TRAPPC9: variants seen among roughly 807,000 people sequenced by gnomAD.
The protein encoded by TRAPPC9 is IKK2 binding protein.
Under a neutral mutation model 124.0 loss-of-function variants are expected in TRAPPC9, and 83 were observed. That is an observed-to-expected ratio of 0.67 (90% CI 0.56 to 0.80). TRAPPC9 has a LOEUF of 0.80. Ranked by LOEUF, TRAPPC9 falls within the 30% of genes least tolerant of loss-of-function variation. TRAPPC9 has a pLI of 0.00. For missense variants in TRAPPC9, 1,302 were observed against 1,508.3 expected, an observed-to-expected ratio of 0.86 and a Z score of 2.27; for synonymous variants, 638 against 617.5, an observed-to-expected ratio of 1.03 and a Z score of -0.49.
intron 17 of TRAPPC9, among the ~76,000 whole-genome samples, chr8:140,171,403 C>T (rs950947884): frequency 2.6e-5 from 4 of 152,152 alleles, no homozygotes; most frequent in African/African-American, 7.2e-5. Context: ...TAAAATTTTA[C>T]TGTATGTATA....
intron 7 of TRAPPC9, among the ~76,000 whole-genome samples, chr8:140,384,229 G>A (rs1437964003): frequency 2.6e-5 from 4 of 152,050 alleles, no homozygotes; most frequent in African/African-American, 4.8e-5. Context: ...AAAGACCACC[G>A]AGACTAGGAA....
chr8:139,793,147 T>C (rs1055126198), intron 21 of TRAPPC9, among the ~76,000 whole-genome samples: 2 of 152,114 alleles, frequency 1.3e-5, no homozygotes, highest in African/African-American at 4.8e-5. Flanking sequence ...GGCAAGGTGC[T>C]TCATCTCTCG....
intron 9 of TRAPPC9, among the ~76,000 whole-genome samples, chr8:140,354,171 C>CT (rs1210402252): frequency 2.6e-5 from 4 of 152,190 alleles, no homozygotes; most frequent in Admixed American, 2.6e-4. Context: ...CATTCTAAAC[C>CT]TTTCACAAAG....
chr8:139,737,377 G>A (rs1818247381), intron 21 of TRAPPC9, among the ~76,000 whole-genome samples: 1 of 149,868 alleles, frequency 6.7e-6, no homozygotes, highest in African/African-American at 2.4e-5. Context: ...GGTGGGCAGG[G>A]ATGCCAGCGC....
At position 140,195,336 on chromosome 8, in the gene TRAPPC9, C is replaced by A. The variant is rs190588818; in HGVS notation, c.2556+26123G>T. Among the ~76,000 whole-genome samples the A allele has an allele frequency of 2.0e-3, 308 of 152,124 alleles. 4 individuals are homozygous for A. The highest frequency in any genetic ancestry group is 4.7e-3 in the East Asian group (24 of 5,154). The stretch of plus-strand genomic sequence containing the variant: ...CATCGTACAGATCACACCTGTAACA[C>A]TAAAACACACTCAATGATCCACTGT... On this transcript the variant is annotated intron_variant, in intron 17 of 22. Transcript: ENST00000438773.
At chr8:140,266,947 G>A (rs2064687634) in intron 15 of TRAPPC9, among the ~76,000 whole-genome samples, 1 of 152,158 alleles carries the variant, frequency 6.6e-6, no homozygotes, top group Non-Finnish European at 1.5e-5. Context: ...CCCAACGACA[G>A]TCTAGACCCC....
At chr8:140,047,730 G>A (rs543538457) in intron 17 of TRAPPC9, among the ~76,000 whole-genome samples, 4 of 152,244 alleles carry the variant, frequency 2.6e-5, no homozygotes, top group South Asian at 2.1e-4. Context: ...CCCGAGTTCC[G>A]GTGTGCTGGA....
At chr8:139,958,403 T>C (rs918950572) in intron 19 of TRAPPC9, among the ~76,000 whole-genome samples, 9 of 152,170 alleles carry the variant, frequency 5.9e-5, no homozygotes, top group African/African-American at 1.9e-4. Flanking sequence ...GATGTCTCCA[T>C]GAGACTCACA....
chr8:140,236,099 T>TTC (rs1554648421), intron 16 of TRAPPC9, among the ~76,000 whole-genome samples: 2,397 of 141,936 alleles, frequency 0.017, 46 homozygotes, highest in Non-Finnish European at 0.025. Context: ...TTTTTTTTTT[T>TTC]TGAGACAGAG....
intron 5 of TRAPPC9, among the ~76,000 whole-genome samples, chr8:140,425,487 C>A (rs1482524378): frequency 6.6e-6 from 1 of 152,196 alleles, no homozygotes; most frequent in Admixed American, 6.5e-5. Flanking sequence ...CTCTACACAA[C>A]CTTATCTTGA....
chr8:140,085,585 T>C (rs1230811486), intron 17 of TRAPPC9, among the ~76,000 whole-genome samples: 5 of 152,212 alleles, frequency 3.3e-5, no homozygotes, highest in African/African-American at 1.2e-4. Flanking sequence ...GAAGCCGACG[T>C]GCTGGAGGGA....
intron 18 of TRAPPC9, among the ~76,000 whole-genome samples, chr8:139,996,121 G>A (rs564553513): frequency 1.1e-3 from 5 of 4,494 alleles, no homozygotes; most frequent in Admixed American, 0.011. Context: ...AAATCTCAGC[G>A]AAAAAGAAGA....
chr8:140,197,773 C>T (rs1372082883), intron 17 of TRAPPC9, among the ~76,000 whole-genome samples: 1 of 151,816 alleles, frequency 6.6e-6, no homozygotes, highest in African/African-American at 2.4e-5. Context: ...GAAAACAACG[C>T]GAGATTTGTC....
intron 11 of TRAPPC9, 143 bp downstream of exon 11, chr8:140,300,320 TATACAC>T: frequency 5.0e-6 from 5 of 1,006,080 alleles, no homozygotes; most frequent in Non-Finnish European, 7.7e-6. Flanking sequence ...TGCACACACA[TATACAC>T]ACATATGCAT....
chr8:140,336,464 T>G (rs935765862), intron 9 of TRAPPC9, among the ~76,000 whole-genome samples: 7 of 152,058 alleles, frequency 4.6e-5, no homozygotes, highest in Non-Finnish European at 1.0e-4. Flanking sequence ...ATGTAGAAAA[T>G]GCACCACTTC....
intron 18 of TRAPPC9, among the ~76,000 whole-genome samples, chr8:140,013,712 C>T (rs571756033): frequency 1.8e-4 from 28 of 152,354 alleles, no homozygotes; most frequent in Middle Eastern, 6.8e-3. Flanking sequence ...TGACACACAA[C>T]AGAAGTGCAT....
intron 17 of TRAPPC9, among the ~76,000 whole-genome samples, chr8:140,179,993 A>ATTTT (rs71520259): frequency 0.11 from 9,891 of 89,490 alleles, 1,088 homozygotes; most frequent in South Asian, 0.31. Flanking sequence ...TTATATCTTG[A>ATTTT]TTTTTTTTTT....
chr8:140,229,440 AT>A (rs1388998280), intron 16 of TRAPPC9, among the ~76,000 whole-genome samples: 1 of 149,996 alleles, frequency 6.7e-6, no homozygotes, highest in East Asian at 2.0e-4. Flanking sequence ...TTTTTTTCGT[AT>A]TTTTAGTAGA....
chr8:140,324,882 C>T (rs987407186), intron 9 of TRAPPC9, among the ~76,000 whole-genome samples: 1 of 151,438 alleles, frequency 6.6e-6, no homozygotes, highest in African/African-American at 2.4e-5. Flanking sequence ...TCATACAACA[C>T]TATACCCCTC....
Sources: allele counts gnomAD v4.1 joint callset (sites outside exome capture counted in the v4.1 genomes callset), GRCh38; gene constraint gnomAD v4.1.1; transcripts MANE v1.5; gene names NCBI Gene and HGNC (gene_info 2026-07-23, HGNC 2026-07-21).